Variants in CES4A observed in about 807,000 individuals in gnomAD.
CES4A encodes the protein carboxylesterase 4A, also known as carboxylesterase 6.
Under a neutral mutation model 65.4 loss-of-function variants are expected in CES4A, and 48 were observed. The ratio of observed to expected loss-of-function variants is 0.73; its 90% CI spans 0.58 to 0.93. The LOEUF (loss-of-function observed/expected upper bound fraction) is 0.93, where lower values mean the gene tolerates loss of function less well. Among genes scored for constraint, CES4A ranks in the 40% least tolerant of loss-of-function variants. The pLI is 0.00. For synonymous variants in CES4A, 247 were observed against 281.8 expected, an observed-to-expected ratio of 0.88 and a Z score of 1.24; for missense variants, 685 against 728.5, an observed-to-expected ratio of 0.94 and a Z score of 0.69.
intron 12 of CES4A, 48 bp downstream of exon 12, chr16:67,006,567 C>G: frequency 6.4e-7 from 1 of 1,556,706 alleles, no homozygotes; most frequent in East Asian, 2.4e-5. Flanking sequence ...AGTCTCCCAC[C>G]TCTGGATGCA....
chr16:66,998,480 T>C (rs1382165782), intron 2 of CES4A, among the ~76,000 whole-genome samples: 1 of 152,116 alleles, frequency 6.6e-6, no homozygotes, highest in Non-Finnish European at 1.5e-5. Flanking sequence ...TCCTAGCTAC[T>C]TGGGAGGTTA....
intron 1 of CES4A, among the ~76,000 whole-genome samples, chr16:66,990,047 C>CTTTTTTTTT (rs1009395226): frequency 4.0e-4 from 49 of 121,408 alleles, no homozygotes; most frequent in East Asian, 7.2e-4. Context: ...TTCATCTTTT[C>CTTTTTTTTT]TTTTTTTTTT....
chr16:67,003,121 G>A lies in CES4A; in HGVS notation c.742G>A (p.Gly248Ser). Residue 248 changes from glycine (G) to serine (S), a missense_variant, in exon 6 of 14, where the codon GGC (glycine) becomes AGC (serine). Coordinates refer to ENST00000648724, the Ensembl canonical transcript of CES4A. The surrounding 1 kb of genome is among the most constrained non-coding windows in gnomAD (Gnocchi z 4.2). ...CTTCCATCGGGCCATTTCCCAGAGTGGCACCGCGTTATTCAGACTTTTCAT... is the reference window on the plus strand; with the variant it reads ...CTTCCATCGGGCCATTTCCCAGAGTAGCACCGCGTTATTCAGACTTTTCAT... 1.2e-6 allele frequency: 2 copies of A among 1,614,156 alleles called. No homozygotes were observed. The highest frequency in any genetic ancestry group is 1.7e-5 in the Admixed American group (1 of 60,016).
In CES4A at chr16:67,000,480, T is replaced by C. The variant is rs1319160044; in HGVS notation, c.261-158T>C. The C allele has an allele frequency of 7.0e-7, 1 of 1,423,136 alleles. No individual in the cohort carries two copies. Among genetic ancestry groups the C allele is most frequent in the Non-Finnish European group, 9.2e-7 (1 of 1,091,852 alleles). 88.2% of individuals were successfully genotyped at this position (1,423,136 alleles called of 1,614,324 possible). Reference sequence around the variant, plus strand: ...GCCTCCCAGTCCTGGGCCCCGGGGCTGGCGGAGGCCTCCTGTACACGCACA... The same window carrying C: ...GCCTCCCAGTCCTGGGCCCCGGGGCCGGCGGAGGCCTCCTGTACACGCACA... On this transcript the variant is annotated intron_variant, in intron 2 of 13. Transcript: ENST00000648724. This position sits in a 1 kb window ranked among gnomAD's most constrained non-coding sequence, Gnocchi z 4.2.
At chr16:67,004,557 GC>G (rs1203195876) in intron 9 of CES4A, among the ~76,000 whole-genome samples, 2 of 152,188 alleles carry the variant, frequency 1.3e-5, no homozygotes, top group East Asian at 3.9e-4. Context: ...CAGGGTAGAT[GC>G]CCCAACTCAG....
intron 1 of CES4A, among the ~76,000 whole-genome samples, chr16:66,990,934 C>G (rs1964337308): frequency 6.6e-6 from 1 of 152,046 alleles, no homozygotes; most frequent in Non-Finnish European, 1.5e-5. Context: ...TCATGTGTTT[C>G]TGACTATTTT....
At chr16:66,989,003 G>A (rs1964165375) in intron 1 of CES4A, among the ~76,000 whole-genome samples, 173 bp downstream of exon 1, 1 of 152,278 alleles carries the variant, frequency 6.6e-6, no homozygotes, top group Admixed American at 6.5e-5. Context: ...CTGGGAGTCT[G>A]GACAAGTCCT....
chr16:66,988,931 G>A (rs1964160875), intron 1 of CES4A, 101 bp downstream of exon 1: 2 of 1,378,202 alleles, frequency 1.5e-6, no homozygotes, highest in African/African-American at 2.9e-5. Context: ...CAGGGCAGGA[G>A]CACTTAGACA....
At chr16:66,990,208 G>C (rs1391288295) in intron 1 of CES4A, among the ~76,000 whole-genome samples, 1 of 151,780 alleles carries the variant, frequency 6.6e-6, no homozygotes, top group East Asian at 1.9e-4. Flanking sequence ...TACACCACAA[G>C]CCCAGCTAAT....
Position 67,001,322 on chromosome 16 carries a change from ACG to A in CES4A, c.558_559del (p.Gly187GlufsTer71). On this transcript the variant is annotated frameshift_variant, in exon 5 of 14. Coordinates refer to ENST00000648724, the Ensembl canonical transcript of CES4A. LOFTEE classifies it high-confidence loss of function. The surrounding 1 kb of genome is among the most constrained non-coding windows in gnomAD (Gnocchi z 4.1). ...CACACGCCCAGCACGGACGACAGCC[ACG>A]CGCGCGGGAACTGGGGGCTGCTGGA... is the stretch of plus-strand genomic sequence containing the variant. 1 of 1,608,744 alleles carries A rather than the reference ACG, an allele frequency of 6.2e-7. No individual in the cohort carries two copies. Among genetic ancestry groups the A allele is most frequent in the Non-Finnish European group, 8.5e-7 (1 of 1,177,544 alleles).
chr16:67,005,167 C>A (rs764162741), intron 10 of CES4A, 73 bp from the exon 11 acceptor site: 5 of 1,494,764 alleles, frequency 3.3e-6, no homozygotes, highest in Non-Finnish European at 3.7e-6. Context: ...GAGCATGGAT[C>A]CAAGTCACTG....
At position 67,001,350 on chromosome 16, in the gene CES4A, C is replaced by G. The variant is rs958092209; in HGVS notation, c.579C>G (p.Asp193Glu). The change falls in exon 5 of 14, where the codon GAC becomes GAG. Residue 193 changes from aspartate (D) to glutamate (E), a missense_variant. Asp to Glu is a conservative substitution (Grantham distance 45). Transcript: ENST00000648724. This position sits in a 1 kb window ranked among gnomAD's most constrained non-coding sequence, Gnocchi z 4.1. ...CGCGCGGGAACTGGGGGCTGCTGGA[C>G]CAGATGGCGGCTCTGCGCTGGGTGC... 1.2e-6 allele frequency: 2 copies of G among 1,613,178 alleles called. No homozygotes were observed. Among genetic ancestry groups the G allele is most frequent in the African/African-American group, 1.3e-5 (1 of 74,928 alleles).
intron 11 of CES4A, 78 bp from the exon 12 acceptor site, chr16:67,006,313 T>C: frequency 6.7e-7 from 1 of 1,483,058 alleles, no homozygotes. Context: ...TTGGTGCAGG[T>C]GAGTGGGAGG....
chr16:67,002,721 CTA>C, intron 5 of CES4A, among the ~76,000 whole-genome samples: 1 of 152,194 alleles, frequency 6.6e-6, no homozygotes, highest in African/African-American at 2.4e-5. Flanking sequence ...TGGAGAGAGG[CTA>C]ACAGCTGTCA....
At chr16:66,989,863 A>T (rs954284797) in intron 1 of CES4A, among the ~76,000 whole-genome samples, 2 of 151,782 alleles carry the variant, frequency 1.3e-5, no homozygotes, top group African/African-American at 4.8e-5. Flanking sequence ...CTCAAAAAAA[A>T]AAACAAAAAA....
In CES4A at chr16:66,992,370, A is replaced by G. The variant is rs540969882; in HGVS notation, c.59-3258A>G. Reference sequence around the variant, plus strand: ...CCTGTAGAGACCTGGGGGCATGGGCAGAGAGGCATTTTTGGCCACCTGCAG... The same window carrying G: ...CCTGTAGAGACCTGGGGGCATGGGCGGAGAGGCATTTTTGGCCACCTGCAG... On this transcript the variant is annotated intron_variant, in intron 1 of 13. Transcript: ENST00000648724. 7.6e-4 allele frequency among the ~76,000 whole-genome samples: 116 copies of G among 152,370 alleles called. 2 individuals are homozygous for G. In the South Asian group the frequency reaches 0.015, roughly 20 times the overall value.
At chr16:66,993,461 G>A (rs1964556300) in intron 1 of CES4A, among the ~76,000 whole-genome samples, 2 of 152,104 alleles carry the variant, frequency 1.3e-5, no homozygotes. Flanking sequence ...TCCTGCCTCA[G>A]CCTCCCGAGT....
chr16:67,006,051 A>G, intron 11 of CES4A: 1 of 244,970 alleles, frequency 4.1e-6, no homozygotes, highest in Admixed American at 4.7e-5. Context: ...GGGGGGCTGG[A>G]AAATGCAGAC....
At chr16:67,006,585 C>G in intron 12 of CES4A, 66 bp downstream of exon 12, 1 of 1,565,440 alleles carries the variant, frequency 6.4e-7, no homozygotes, top group Non-Finnish European at 8.6e-7. Context: ...GCAGACCCAC[C>G]CCTCCATTGG....
Sources: allele counts gnomAD v4.1 joint callset (sites outside exome capture counted in the v4.1 genomes callset), GRCh38; gene constraint gnomAD v4.1.1; non-coding constraint Gnocchi (gnomAD v3.1); transcripts MANE v1.5; gene names NCBI Gene and HGNC (gene_info 2026-07-23, HGNC 2026-07-21).